CTDP1: variants seen among roughly 807,000 people sequenced by gnomAD.
CTDP1 encodes RNA polymerase II subunit A C-terminal domain phosphatase.
CTDP1 carries 47 observed loss-of-function variants against 91.8 expected under a neutral mutation model. That is an observed-to-expected ratio of 0.51 (90% CI 0.41 to 0.65). The LOEUF is 0.65. CTDP1 is among the 30% of genes least tolerant of loss of function. CTDP1 has a pLI of 0.00. For synonymous variants in CTDP1, 656 were observed against 598.5 expected (o/e 1.10, Z -1.40); for missense variants, 1,272 against 1,373.7 (o/e 0.93, Z 1.17).
intron 3 of CTDP1, among the ~76,000 whole-genome samples, chr18:79,696,713 C>T (rs567432175): frequency 1.3e-5 from 2 of 152,230 alleles, no homozygotes; most frequent in East Asian, 1.9e-4. Flanking sequence ...CAGGTGTTCA[C>T]GTGCCCAGTT....
intron 12 of CTDP1, among the ~76,000 whole-genome samples, chr18:79,749,115 A>G (rs1435527728): frequency 6.6e-6 from 1 of 152,198 alleles, no homozygotes; most frequent in Non-Finnish European, 1.5e-5. Context: ...TAAACCTCAA[A>G]CAGAGAGTCA....
At chr18:79,748,891 TG>T (rs2086936407) in intron 12 of CTDP1, among the ~76,000 whole-genome samples, 1 of 151,662 alleles carries the variant, frequency 6.6e-6, no homozygotes, top group Non-Finnish European at 1.5e-5. Context: ...CGTGTCTGTG[TG>T]TTTGCCGTGT....
intron 10 of CTDP1, among the ~76,000 whole-genome samples, chr18:79,724,714 G>A (rs1452656024): frequency 6.6e-6 from 1 of 152,144 alleles, no homozygotes; most frequent in African/African-American, 2.4e-5. Context: ...CTTTCTTTTA[G>A]GAATCGTGCT....
At position 79,680,305 on chromosome 18, in the gene CTDP1, G is replaced by A. The variant is rs984222178; in HGVS notation, c.314+44G>A. The stretch of plus-strand genomic sequence containing the variant: ...GCGGGGCCGAGGGCGGGCGGCTCCG[G>A]GGAGGGATCCTGGAGGACCCCCGGG... On this transcript the variant is annotated intron_variant, in intron 1 of 12. Coordinates refer to ENST00000613122, the MANE Select transcript of CTDP1 (RefSeq NM_004715.5). 4.0e-6 allele frequency: 5 copies of A among 1,236,504 alleles called. No individual in the cohort carries two copies. The South Asian group carries it at 1.7e-4, about 42-fold the overall frequency. The allele number at this position is 1,236,504 out of a possible 1,614,324, so 76.6% of individuals were successfully genotyped here.
Position 79,713,479 on chromosome 18 carries a change from G to A in CTDP1, c.1030+341G>A, listed in dbSNP as rs946227733. Reference sequence around the variant, plus strand: ...TGGGCCATAGTGTTCTGTAGAGAGAGTGAATGTGGGGGCGGTGGCTCTGCG... The same window carrying A: ...TGGGCCATAGTGTTCTGTAGAGAGAATGAATGTGGGGGCGGTGGCTCTGCG... On this transcript the variant is annotated intron_variant, in intron 7 of 12. Transcript: ENST00000613122. The surrounding 1 kb of genome is among the most constrained non-coding windows in gnomAD (Gnocchi z 4.7). Among the ~76,000 whole-genome samples the A allele has an allele frequency of 2.0e-5, 3 of 152,204 alleles. No homozygotes were observed. Among genetic ancestry groups the A allele is most frequent in the African/African-American group, 7.2e-5 (3 of 41,454 alleles).
At chr18:79,697,709 CCTG>C in intron 3 of CTDP1, 148 bp from the exon 4 acceptor site, 1 of 1,166,362 alleles carries the variant, frequency 8.6e-7, no homozygotes, top group Non-Finnish European at 1.2e-6. Flanking sequence ...GTGACCCAGC[CCTG>C]CCTCTCGGCC....
intron 1 of CTDP1, among the ~76,000 whole-genome samples, chr18:79,694,655 G>C (rs1483278219): frequency 1.3e-5 from 2 of 151,456 alleles, no homozygotes; most frequent in African/African-American, 4.9e-5. Flanking sequence ...GCACCTAGGG[G>C]CGGGCGCTGA....
In CTDP1 at chr18:79,754,130, G is replaced by A. The variant is rs536654676; in HGVS notation, c.*340G>A. On this transcript the variant is annotated 3_prime_UTR_variant, in exon 13 of 13. Coordinates refer to ENST00000613122, the MANE Select transcript of CTDP1 (RefSeq NM_004715.5). ...CTTGTGTACCAGAGCACATTCCTTA[G>A]GGGACGGCTTTGGGGGTCCCACGAG... 2 of 382,912 alleles carry A rather than the reference G, an allele frequency of 5.2e-6. No homozygotes were observed. Among genetic ancestry groups the A allele is most frequent in the South Asian group, 2.2e-5 (1 of 45,420 alleles). 23.7% of individuals were successfully genotyped at this position (382,912 alleles called of 1,614,324 possible).
At chr18:79,690,392 A>G (rs1203508766) in intron 1 of CTDP1, among the ~76,000 whole-genome samples, 1 of 152,220 alleles carries the variant, frequency 6.6e-6, no homozygotes, top group African/African-American at 2.4e-5. Flanking sequence ...CTTTAGGACA[A>G]ACCAGAAAAC....
intron 12 of CTDP1, among the ~76,000 whole-genome samples, chr18:79,739,859 CACGGCCGGG>C (rs1467531274): frequency 2.6e-5 from 1 of 38,718 alleles, no homozygotes; most frequent in Non-Finnish European, 5.4e-5. Context: ...CTCTCATACC[CACGGCCGGG>C]ACGGGTGGGA....
rs1302565338 is a variant in CTDP1 at position 79,680,190 on chromosome 18, C to T, written c.243C>T (p.Arg81=). 1 of 1,382,416 alleles carries T rather than the reference C, an allele frequency of 7.2e-7. No individual in the cohort carries two copies. The highest frequency in any genetic ancestry group is 9.3e-7 in the Non-Finnish European group (1 of 1,074,112). 85.6% of individuals were successfully genotyped at this position (1,382,416 alleles called of 1,614,324 possible). ...GCGTGCGCCCCGCGCGGCCGGAACGCAGGCTGAGGTCGGAGCGCGCGGGCG... is the reference window on the plus strand; with the variant it reads ...GCGTGCGCCCCGCGCGGCCGGAACGTAGGCTGAGGTCGGAGCGCGCGGGCG... ...GGCVRPARPE[R]RLRSERAGVV... Residue 81 remains arginine, a synonymous_variant, in exon 1 of 13, where the codon CGC becomes CGT. Transcript: ENST00000613122.
intron 12 of CTDP1, among the ~76,000 whole-genome samples, chr18:79,745,227 T>C (rs2086855763): frequency 6.6e-6 from 1 of 152,024 alleles, no homozygotes; most frequent in Non-Finnish European, 1.5e-5. Context: ...CGTGTTTGAC[T>C]GGATTGTGCG....
Position 79,753,916 on chromosome 18 carries a change from C to T in CTDP1, c.*126C>T. 1.6e-6 allele frequency: 2 copies of T among 1,275,752 alleles called. No homozygotes were observed. The highest frequency in any genetic ancestry group is 2.2e-6 in the Non-Finnish European group (2 of 913,206). 79.0% of individuals were successfully genotyped at this position (1,275,752 alleles called of 1,614,324 possible). A position where few individuals can be genotyped will look rare whatever the true frequency, so the allele number is the denominator to read the frequency against. ...AAGGACATGTATATTTGCAGAGCTC[C>T]ACATACAGAAACACATTATTTTGCA... On this transcript the variant is annotated 3_prime_UTR_variant, in exon 13 of 13. Coordinates refer to ENST00000613122, the MANE Select transcript of CTDP1 (RefSeq NM_004715.5).
chr18:79,689,953 T>C (rs1240638468), intron 1 of CTDP1, among the ~76,000 whole-genome samples: 2 of 152,192 alleles, frequency 1.3e-5, no homozygotes, highest in African/African-American at 4.8e-5. Context: ...CCGCCTTGTC[T>C]GCATAACGGA....
At chr18:79,738,234 G>A (rs962409467) in intron 12 of CTDP1, among the ~76,000 whole-genome samples, 7 of 152,196 alleles carry the variant, frequency 4.6e-5, no homozygotes, top group Non-Finnish European at 5.9e-5. Flanking sequence ...CTTCAGCTCC[G>A]GGGCTGCTCC....
intron 1 of CTDP1, among the ~76,000 whole-genome samples, chr18:79,689,133 C>T (rs1388561106): frequency 2.6e-5 from 4 of 152,310 alleles, no homozygotes; most frequent in Middle Eastern, 6.8e-3. Context: ...CACGTGGCAT[C>T]GCTGGTTGAA....
At position 79,743,876 on chromosome 18, in the gene CTDP1, T is replaced by C. The variant is rs529162522; in HGVS notation, c.2747+7355T>C. Among the ~76,000 whole-genome samples the C allele has an allele frequency of 3.9e-5, 6 of 152,308 alleles. No homozygotes were observed. The South Asian group carries it at 1.2e-3, about 32-fold the overall frequency. On this transcript the variant is annotated intron_variant, in intron 12 of 12. Coordinates refer to ENST00000613122, the MANE Select transcript of CTDP1 (RefSeq NM_004715.5). ...ACCTTGGGCCCCACCATCATGAAACTGAAGGGAAAAGTCACACTGGGAACT... is the reference window on the plus strand; with the variant it reads ...ACCTTGGGCCCCACCATCATGAAACCGAAGGGAAAAGTCACACTGGGAACT...
intron 11 of CTDP1, among the ~76,000 whole-genome samples, chr18:79,732,538 A>T (rs1263595074): frequency 3.1e-5 from 4 of 129,400 alleles, no homozygotes; most frequent in African/African-American, 9.4e-5. Flanking sequence ...AACTCACATC[A>T]GGAGTGCTCC....
In CTDP1 at chr18:79,704,801, C is replaced by G; in HGVS notation, c.656C>G (p.Pro219Arg). The G allele has an allele frequency of 6.2e-7, 1 of 1,613,952 alleles. No individual in the cohort carries two copies. Among genetic ancestry groups the G allele is most frequent in the South Asian group, 1.1e-5 (1 of 91,086 alleles). ...CACTTCCAGCTGGGCCGGGGTGAGC[C>G]CATGCTGCACACGCGCCTGCGTCCA... ...IFHFQLGRGE[P>R]MLHTRLRPHC... The change falls in exon 5 of 13, where the codon CCC becomes CGC. Residue 219 changes from proline (P) to arginine (R), a missense_variant. Coordinates refer to ENST00000613122, the MANE Select transcript of CTDP1 (RefSeq NM_004715.5).
Sources: gnomAD v4.1 joint callset for allele counts (sites outside exome capture counted in the v4.1 genomes callset) on GRCh38, gnomAD v4.1.1 for gene constraint, Gnocchi (gnomAD v3.1) non-coding constraint, MANE v1.5 for transcripts, NCBI Gene and HGNC (gene_info 2026-07-23, HGNC 2026-07-21) for gene names.